Variants in MC2R observed in about 807,000 individuals in gnomAD.
MC2R encodes adrenocorticotropic hormone receptor.
Under a neutral mutation model 9.8 loss-of-function variants are expected in MC2R, and 9 were observed. The ratio of observed to expected loss-of-function variants is 0.92; its 90% CI spans 0.55 to 1.60. The LOEUF is 1.60. Ranked by LOEUF, MC2R falls within the 40% of genes most tolerant of loss-of-function variation. The pLI, the probability that MC2R is intolerant of heterozygous loss-of-function variation, is 0.00. For missense variants in MC2R, 370 were observed against 389.0 expected, an observed-to-expected ratio of 0.95 and a Z score of 0.41; for synonymous variants, 185 against 154.7, an observed-to-expected ratio of 1.20 and a Z score of -1.45.
chr18:13,908,706 T>TTG (rs57512236), intron 1 of MC2R, among the ~76,000 whole-genome samples: 1,644 of 142,648 alleles, frequency 0.012, 16 homozygotes, highest in East Asian at 0.029. Context: ...CAGGAGCTTC[T>TTG]TGTGTGTGTG....
intron 1 of MC2R, among the ~76,000 whole-genome samples, chr18:13,902,213 A>G (rs181720286): frequency 2.0e-5 from 3 of 152,192 alleles, no homozygotes; most frequent in African/African-American, 7.2e-5. Context: ...TTTATAATAA[A>G]ACCATCAAAA....
intron 1 of MC2R, among the ~76,000 whole-genome samples, chr18:13,893,718 A>G (rs1328360611): frequency 6.6e-6 from 1 of 151,340 alleles, no homozygotes; most frequent in African/African-American, 2.4e-5. Flanking sequence ...AACAAAAGAG[A>G]AGATTTTGAA....
In MC2R at chr18:13,894,856, AG is replaced by A. The variant is rs1393965374; in HGVS notation, c.-128-9211del. Among the ~76,000 whole-genome samples, 3 of 152,244 alleles carry A rather than the reference AG, an allele frequency of 2.0e-5. No homozygotes were observed. The East Asian group carries it at 5.8e-4, about 29-fold the overall frequency. On this transcript the variant is annotated intron_variant, in intron 1 of 1. Coordinates refer to ENST00000327606, the MANE Select transcript of MC2R (RefSeq NM_000529.2). ...TCATATATTTGTTTAAGCCCAAACA[AG>A]ATCAAATGTTTTGAAGGTCTCTGGC...
chr18:13,884,795 T>A lies in MC2R; in HGVS notation c.724A>T (p.Met242Leu). 1 of 1,613,864 alleles carries A rather than the reference T, an allele frequency of 6.2e-7. No homozygotes were observed. The highest frequency in any genetic ancestry group is 8.5e-7 in the Non-Finnish European group (1 of 1,179,990). ...TAGGGGTTACTTGGGCAGAATGTCA[T>A]CAAGAGGACATGAAGCACAAAGGGG... The part of the protein sequence containing the change: ...WAPFVLHVLL[M>L]TFCPSNPYCA... Residue 242 changes from methionine to leucine, a missense_variant, in exon 2 of 2, where the codon ATG becomes TTG. Met to Leu is a conservative substitution (Grantham distance 15). Transcript: ENST00000327606.
intron 1 of MC2R, among the ~76,000 whole-genome samples, chr18:13,888,062 C>A (rs2045288521): frequency 6.6e-6 from 1 of 151,796 alleles, no homozygotes; most frequent in Non-Finnish European, 1.5e-5. Flanking sequence ...TAAATGTAAT[C>A]AGAATTAGTA....
At position 13,883,900 on chromosome 18, in the gene MC2R, C is replaced by T. The variant is rs1466442005; in HGVS notation, c.*725G>A. 1 of 153,416 alleles carries T rather than the reference C, an allele frequency of 6.5e-6. No homozygotes were observed. The highest frequency in any genetic ancestry group is 2.4e-5 in the African/African-American group (1 of 41,430). 9.5% of individuals were successfully genotyped at this position (153,416 alleles called of 1,614,324 possible). On this transcript the variant is annotated 3_prime_UTR_variant, in exon 2 of 2. Coordinates refer to ENST00000327606, the MANE Select transcript of MC2R (RefSeq NM_000529.2). ...AAAGGGTTTTAAGGCCAGTGGGATA[C>T]TGAGTGAGCAAAGAAGACTAACAGA...
In MC2R at chr18:13,884,768, A is replaced by C; in HGVS notation, c.751T>G (p.Cys251Gly). The C allele has an allele frequency of 6.2e-7, 1 of 1,614,044 alleles. No individual in the cohort carries two copies. Among genetic ancestry groups the C allele is most frequent in the Non-Finnish European group, 8.5e-7 (1 of 1,180,014 alleles). The stretch of plus-strand genomic sequence containing the variant: ...TGGAAGAGAGACATGTAGCAGGCGC[A>C]GTAGGGGTTACTTGGGCAGAATGTC... Reference protein sequence around the residue: ...LMTFCPSNPYCACYMSLFQVN... With the variant: ...LMTFCPSNPYGACYMSLFQVN... Residue 251 changes from cysteine (C) to glycine (G), a missense_variant, in exon 2 of 2, where the codon TGC (cysteine) becomes GGC (glycine). Transcript: ENST00000327606.
Position 13,885,043 on chromosome 18 carries a change from G to A in MC2R, c.476C>T (p.Thr159Met), listed in dbSNP as rs371900069. ...GATCACCATGGTGATGCCAGTCCCCGTGCAGAACGTCCAGATGACCGTAAG... is the reference window on the plus strand; with the variant it reads ...GATCACCATGGTGATGCCAGTCCCCATGCAGAACGTCCAGATGACCGTAAG... ...VVLTVIWTFCTGTGITMVIFS... is the reference protein window; with the variant it reads ...VVLTVIWTFCMGTGITMVIFS... The change falls in exon 2 of 2, where the codon ACG becomes ATG. Residue 159 changes from threonine (T) to methionine (M), a missense_variant. Physicochemically the swap from Thr to Met is moderately conservative, Grantham distance 81. Coordinates refer to ENST00000327606, the MANE Select transcript of MC2R (RefSeq NM_000529.2). 1.4e-5 allele frequency: 23 copies of A among 1,614,042 alleles called. No homozygotes were observed. The highest frequency in any genetic ancestry group is 1.6e-4 in the Middle Eastern group (1 of 6,084).
chr18:13,884,805 A>G lies in MC2R; in HGVS notation c.714T>C (p.His238=), dbSNP rs2045263164. The change falls in exon 2 of 2, where the codon CAT becomes CAC. Residue 238 remains histidine (H), a synonymous_variant. Transcript: ENST00000327606. ...TTGGGCAGAATGTCATCAAGAGGAC[A>G]TGAAGCACAAAGGGGGCCCAGCAGA... ...FIFCWAPFVL[H]VLLMTFCPSN... 2 of 1,613,916 alleles carry G rather than the reference A, an allele frequency of 1.2e-6. No individual in the cohort carries two copies. Among genetic ancestry groups the G allele is most frequent in the Non-Finnish European group, 1.7e-6 (2 of 1,180,022 alleles).
intron 1 of MC2R, among the ~76,000 whole-genome samples, chr18:13,905,483 T>TA (rs34841761): frequency 7.0e-4 from 100 of 142,056 alleles, no homozygotes; most frequent in African/African-American, 6.9e-4. Context: ...AGACTCCCTC[T>TA]AAAAAAAAAA....
At position 13,884,926 on chromosome 18, in the gene MC2R, A is replaced by G. The variant is rs764338580; in HGVS notation, c.593T>C (p.Leu198Pro). 16 of 1,614,000 alleles carry G rather than the reference A, an allele frequency of 9.9e-6. No individual in the cohort carries two copies. The highest frequency in any genetic ancestry group is 1.3e-5 in the Non-Finnish European group (15 of 1,180,030). Residue 198 changes from leucine to proline, a missense_variant, in exon 2 of 2, where the codon CTG (leucine) becomes CCG (proline). Transcript: ENST00000327606. ...CTTCCTGGTGTGGGATCGAGCCAGCAGGAACATGTGCACATAGAGGCACAG... is the reference window on the plus strand; with the variant it reads ...CTTCCTGGTGTGGGATCGAGCCAGCGGGAACATGTGCACATAGAGGCACAG... ...FILCLYVHMF[L>P]LARSHTRKIS...
chr18:13,906,227 C>T (rs941376954), intron 1 of MC2R, among the ~76,000 whole-genome samples: 2 of 152,190 alleles, frequency 1.3e-5, no homozygotes, highest in African/African-American at 2.4e-5. Context: ...GGTACACATA[C>T]ATCATGGAAT....
intron 1 of MC2R, among the ~76,000 whole-genome samples, chr18:13,900,639 C>G (rs905274226): frequency 6.6e-6 from 1 of 151,976 alleles, no homozygotes; most frequent in African/African-American, 2.4e-5. Context: ...CAAGACAAAA[C>G]TGTAAGAGAC....
chr18:13,896,697 A>C (rs1205916120), intron 1 of MC2R, among the ~76,000 whole-genome samples: 2 of 152,224 alleles, frequency 1.3e-5, no homozygotes, highest in African/African-American at 4.8e-5. Flanking sequence ...AGCAAGGAAC[A>C]CACTCTCTGC....
In MC2R at chr18:13,885,510, G is replaced by C. The variant is rs1324697618; in HGVS notation, c.9C>G (p.His3Gln). MK[H>Q]IINSYENINN... ...TGATGTTTTCATACGAGTTGATAAT[G>C]TGCTTCATTTCTCCTGCTTGTGGTT... Residue 3 changes from histidine to glutamine, a missense_variant, in exon 2 of 2, where the codon CAC becomes CAG. Transcript: ENST00000327606. 1 of 1,614,140 alleles carries C rather than the reference G, an allele frequency of 6.2e-7. No individual in the cohort carries two copies. The highest frequency in any genetic ancestry group is 8.5e-7 in the Non-Finnish European group (1 of 1,180,036).
chr18:13,886,666 GT>G (rs1393620585), intron 1 of MC2R, among the ~76,000 whole-genome samples: 1 of 152,298 alleles, frequency 6.6e-6, no homozygotes, highest in East Asian at 1.9e-4. Flanking sequence ...TGTTTCAAAG[GT>G]GGAGCTCCTG....
chr18:13,890,892 G>C (rs1598461998), intron 1 of MC2R, among the ~76,000 whole-genome samples: 2 of 152,118 alleles, frequency 1.3e-5, no homozygotes. Flanking sequence ...GAGATGATGG[G>C]ATTAGCAATG....
At chr18:13,902,050 C>A (rs190403908) in intron 1 of MC2R, among the ~76,000 whole-genome samples, 12 of 152,134 alleles carry the variant, frequency 7.9e-5, no homozygotes, top group East Asian at 1.9e-4. Flanking sequence ...TCATCATGAC[C>A]AAGTGGGATT....
At chr18:13,893,895 T>C (rs1046711467) in intron 1 of MC2R, among the ~76,000 whole-genome samples, 12 of 152,218 alleles carry the variant, frequency 7.9e-5, no homozygotes, top group Admixed American at 5.9e-4. Flanking sequence ...GGAAAGGAGC[T>C]GAATCTGTTC....
Sources: allele counts gnomAD v4.1 joint callset (sites outside exome capture counted in the v4.1 genomes callset), GRCh38; gene constraint gnomAD v4.1.1; transcripts MANE v1.5; gene names NCBI Gene and HGNC (gene_info 2026-07-23, HGNC 2026-07-21).